The following FERRY3 variants were observed in gnomAD, a reference collection of about 807,000 sequenced individuals.
The protein encoded by FERRY3 is FERRY endosomal RAB5 effector complex subunit 3.
At chr12:4,518,850 G>A in the FERRY3 span, 1 of 1,587,828 alleles carries the variant, frequency 6.3e-7, no homozygotes, top group Non-Finnish European at 8.6e-7. Flanking sequence ...CAGATTCTCT[G>A]AACTGACTTG....
the FERRY3 span, among the ~76,000 whole-genome samples, chr12:4,523,016 G>T: frequency 6.6e-6 from 1 of 152,286 alleles, no homozygotes; most frequent in East Asian, 1.9e-4. Flanking sequence ...TTGTGGTGAT[G>T]ATTTTATGAC....
the FERRY3 span, among the ~76,000 whole-genome samples, chr12:4,526,542 T>C: frequency 6.6e-6 from 1 of 152,104 alleles, no homozygotes; most frequent in Non-Finnish European, 1.5e-5. Flanking sequence ...GGTAAATTGC[T>C]CTTAAGAGTG....
chr12:4,490,056 T>A, the FERRY3 span, among the ~76,000 whole-genome samples: 1 of 152,182 alleles, frequency 6.6e-6, no homozygotes, highest in Admixed American at 6.6e-5. Context: ...TGCATGGCCA[T>A]GGACAAGGGC....
the FERRY3 span, among the ~76,000 whole-genome samples, chr12:4,502,977 G>A: frequency 9.2e-5 from 14 of 152,280 alleles, no homozygotes; most frequent in South Asian, 2.5e-3. This position sits in a 1 kb window ranked among gnomAD's most constrained non-coding sequence, Gnocchi z 4.2. Context: ...CTGCTTATCA[G>A]AAACTCAGTG....
chr12:4,491,957 G>A, the FERRY3 span, among the ~76,000 whole-genome samples: 39 of 152,252 alleles, frequency 2.6e-4, no homozygotes, highest in African/African-American at 9.1e-4. Context: ...GTGCACATTT[G>A]TAGTCCCAGC....
At chr12:4,514,048 GA>G in the FERRY3 span, among the ~76,000 whole-genome samples, 1 of 149,720 alleles carries the variant, frequency 6.7e-6, no homozygotes, top group Admixed American at 6.6e-5. Flanking sequence ...AAATTTACAA[GA>G]AAAAAACAAA....
At chr12:4,535,946 T>C in the FERRY3 span, 2 of 1,280,294 alleles carry the variant, frequency 1.6e-6, no homozygotes, top group Non-Finnish European at 2.1e-6. This position sits in a 1 kb window ranked among gnomAD's most constrained non-coding sequence, Gnocchi z 4.0. Context: ...TGCTTTCTAA[T>C]ATGAAACTTC....
chr12:4,504,528 GAAAAT>G, the FERRY3 span, among the ~76,000 whole-genome samples: 2 of 152,094 alleles, frequency 1.3e-5, no homozygotes, highest in Admixed American at 6.6e-5. Context: ...AAGAGGAAAT[GAAAAT>G]AAAATAAATG....
the FERRY3 span, among the ~76,000 whole-genome samples, chr12:4,496,450 T>C: frequency 6.6e-6 from 1 of 152,188 alleles, no homozygotes; most frequent in Non-Finnish European, 1.5e-5. Context: ...GAAAAGTGAC[T>C]AAATCTTAGT....
chr12:4,496,372 A>G, the FERRY3 span, among the ~76,000 whole-genome samples: 1 of 152,204 alleles, frequency 6.6e-6, no homozygotes, highest in Non-Finnish European at 1.5e-5. Context: ...GATATAATAG[A>G]TGGTATAGAC....
At chr12:4,515,280 T>C in the FERRY3 span, among the ~76,000 whole-genome samples, 4 of 152,194 alleles carry the variant, frequency 2.6e-5, no homozygotes, top group Non-Finnish European at 4.4e-5. Context: ...GGAGGTTTCT[T>C]AAAAAATTAA....
chr12:4,490,113 A>C, the FERRY3 span, among the ~76,000 whole-genome samples: 1,651 of 152,296 alleles, frequency 0.011, 4 homozygotes, highest in Middle Eastern at 0.041. Context: ...TTTCTGTCAA[A>C]TAATACGTTT....
chr12:4,501,755 GTAA>G, the FERRY3 span, among the ~76,000 whole-genome samples: 5 of 152,010 alleles, frequency 3.3e-5, no homozygotes, highest in Admixed American at 2.0e-4. Flanking sequence ...ATATTGAAAT[GTAA>G]TAATAATAGA....
chr12:4,525,575 A>G, the FERRY3 span: 3 of 1,609,186 alleles, frequency 1.9e-6, no homozygotes. Flanking sequence ...TTCCATTTCA[A>G]TACCTTGTCT....
At chr12:4,532,761 T>C in the FERRY3 span, among the ~76,000 whole-genome samples, 1 of 152,192 alleles carries the variant, frequency 6.6e-6, no homozygotes, top group Non-Finnish European at 1.5e-5. Context: ...GCTTCACTTC[T>C]TTCCCTATGT....
the FERRY3 span, chr12:4,529,887 A>C: frequency 1.3e-6 from 2 of 1,577,304 alleles, no homozygotes; most frequent in Non-Finnish European, 8.6e-7. Context: ...TAATTTTTTC[A>C]GCTCCACATC....
At chr12:4,516,992 T>C in the FERRY3 span, 1 of 1,222,380 alleles carries the variant, frequency 8.2e-7, no homozygotes, top group Non-Finnish European at 1.1e-6. Flanking sequence ...TTCTATATGA[T>C]CTTAATACTG....
chr12:4,525,556 C>A, the FERRY3 span: 88 of 1,611,562 alleles, frequency 5.5e-5, no homozygotes, highest in Non-Finnish European at 7.2e-5. Context: ...CCAATTCCTG[C>A]ATGACTTTTT....
chr12:4,536,944 A>T, the FERRY3 span, among the ~76,000 whole-genome samples: 1 of 152,170 alleles, frequency 6.6e-6, no homozygotes, highest in Admixed American at 6.5e-5. Flanking sequence ...TTCCTTTTTA[A>T]AAAAGGAATA....
Sources: gnomAD v4.1 joint callset for allele counts (sites outside exome capture counted in the v4.1 genomes callset) on GRCh38, gnomAD v4.1.1 for gene constraint, Gnocchi (gnomAD v3.1) non-coding constraint, MANE v1.5 for transcripts, NCBI Gene and HGNC (gene_info 2026-07-23, HGNC 2026-07-21) for gene names.